HMGXB3: variants seen among roughly 807,000 people sequenced by gnomAD.
The protein encoded by HMGXB3 is HMG-box containing 3.
A neutral mutation model predicts 121.5 loss-of-function variants in HMGXB3; 45 were observed. That is an observed-to-expected ratio of 0.37 (90% CI 0.29 to 0.47). HMGXB3 has a LOEUF of 0.47. Ranked by LOEUF, HMGXB3 falls within the 20% of genes least tolerant of loss-of-function variation. The pLI, the probability that HMGXB3 is intolerant of heterozygous loss-of-function variation, is 0.99. For synonymous variants in HMGXB3, 590 were observed against 624.1 expected (o/e 0.95, Z 0.81); for missense variants, 1,376 against 1,602.2 (o/e 0.86, Z 2.41).
chr5:150,018,431 A>G (rs1328270324), intron 5 of HMGXB3, 135 bp from the exon 6 acceptor site: 1 of 659,770 alleles, frequency 1.5e-6, no homozygotes, highest in Non-Finnish European at 2.3e-6. Flanking sequence ...CCTTTCCAAC[A>G]CTGACCTTTT....
At chr5:150,003,960 C>CA (rs753904866) in intron 1 of HMGXB3, among the ~76,000 whole-genome samples, 2 of 150,498 alleles carry the variant, frequency 1.3e-5, no homozygotes, top group Admixed American at 1.3e-4. Context: ...AAAACAAAAA[C>CA]AAAAAACCCA....
intron 5 of HMGXB3, 68 bp downstream of exon 5, chr5:150,012,421 T>C (rs1755862066): frequency 9.0e-7 from 1 of 1,112,070 alleles, no homozygotes; most frequent in Admixed American, 2.0e-5. Context: ...TAAGTAGATT[T>C]GTCTTTTTTT....
chr5:150,050,027 CA>C (rs1349070982), intron 18 of HMGXB3, among the ~76,000 whole-genome samples: 1 of 152,110 alleles, frequency 6.6e-6, no homozygotes, highest in African/African-American at 2.4e-5. Context: ...AAGTTGAGGA[CA>C]GGATGCTCCC....
Position 150,026,757 on chromosome 5 carries a change from A to C in HMGXB3, c.1512A>C (p.Ala504=), listed in dbSNP as rs1193817221. The C allele has an allele frequency of 6.4e-7, 1 of 1,551,466 alleles. No homozygotes were observed. The highest frequency in any genetic ancestry group is 1.2e-5 in the South Asian group (1 of 84,040). The part of the protein sequence containing the change: ...GSRAPELKGR[A]RGKPSLLAAA... ...GAGCTCCAGAGCTTAAAGGCAGAGCACGGGGCAAGCCCTCATTACTGGCTG... is the reference window on the plus strand; with the variant it reads ...GAGCTCCAGAGCTTAAAGGCAGAGCCCGGGGCAAGCCCTCATTACTGGCTG... Residue 504 remains alanine (A), a synonymous_variant, in exon 8 of 20, where the codon GCA becomes GCC. Coordinates refer to ENST00000502717, the MANE Select transcript of HMGXB3 (RefSeq NM_014983.3).
chr5:150,039,369 A>C (rs140391319), intron 13 of HMGXB3, among the ~76,000 whole-genome samples: 50 of 151,328 alleles, frequency 3.3e-4, no homozygotes, highest in Non-Finnish European at 5.2e-4. Flanking sequence ...TAAGTATTTT[A>C]CTTTTTTTTT....
Position 150,006,511 on chromosome 5 carries a change from A to T in HMGXB3, c.176A>T (p.Lys59Ile). The change falls in exon 3 of 20, where the codon AAA becomes ATA. Residue 59 changes from lysine (K) to isoleucine (I), a missense_variant. By Grantham distance (102) the Lys-to-Ile change is moderately radical. Around this residue, in one of 2 missense-constraint regions of HMGXB3, gnomAD observed 1,116 missense variants for 1,369.0 expected, o/e 0.82. Transcript: ENST00000502717. ...YLLYYYDIYL[K>I]VQQELPHLPQ... The stretch of plus-strand genomic sequence containing the variant: ...CTGTACTATTACGACATCTACCTGA[A>T]AGTGCAGCAGGAGCTCCCCCACCTC... 1 of 1,551,882 alleles carries T rather than the reference A, an allele frequency of 6.4e-7. No individual in the cohort carries two copies. The highest frequency in any genetic ancestry group is 2.4e-5 in the East Asian group (1 of 40,924).
chr5:150,006,764 A>C lies in HMGXB3; in HGVS notation c.312+117A>C, dbSNP rs952211820. The C allele has an allele frequency of 4.6e-6, 4 of 868,620 alleles. 1 individual carries two copies. The highest frequency in any genetic ancestry group is 3.5e-6 in the Non-Finnish European group (2 of 574,740). The allele number at this position is 868,620 out of a possible 1,614,324, so 53.8% of individuals were successfully genotyped here. A position where few individuals can be genotyped will look rare whatever the true frequency, so the allele number is the denominator to read the frequency against. Reference sequence around the variant, plus strand: ...TTTTTGGGAAAAGTTTCATCGTTTTATCCTTCTTGACTCTGGGCTTGCTTG... The same window carrying C: ...TTTTTGGGAAAAGTTTCATCGTTTTCTCCTTCTTGACTCTGGGCTTGCTTG... On this transcript the variant is annotated intron_variant, in intron 3 of 19. Transcript: ENST00000502717.
At chr5:150,014,884 T>A (rs1755925180) in intron 5 of HMGXB3, 2 of 698,180 alleles carry the variant, frequency 2.9e-6, no homozygotes, top group South Asian at 2.0e-5. Flanking sequence ...TCGGAGCTTC[T>A]GGAACCAATG....
chr5:150,030,257 T>G (rs1581258296), intron 9 of HMGXB3: 1 of 152,436 alleles, frequency 6.6e-6, no homozygotes, highest in South Asian at 2.1e-4. Context: ...GAGCATTGCT[T>G]GAGTCCAGCA....
Position 150,024,607 on chromosome 5 carries a change from G to A in HMGXB3, c.1387G>A (p.Gly463Arg). Residue 463 changes from glycine (G) to arginine (R), a missense_variant, in exon 7 of 20, where the codon GGA becomes AGA. Around this residue, in one of 2 missense-constraint regions of HMGXB3, gnomAD observed 1,116 missense variants for 1,369.0 expected, o/e 0.82. Coordinates refer to ENST00000502717, the MANE Select transcript of HMGXB3 (RefSeq NM_014983.3). ...GGGGACAACTGACAATGACAGTCCT[G>A]GAGCAGACGTACCAACACCATCCGA... ...TLGTTDNDSP[G>R]ADVPTPSEGT... 1 of 1,551,770 alleles carries A rather than the reference G, an allele frequency of 6.4e-7. No individual in the cohort carries two copies. The highest frequency in any genetic ancestry group is 8.7e-7 in the Non-Finnish European group (1 of 1,147,000).
rs1277176950 is a variant in HMGXB3 at position 150,050,245 on chromosome 5, C to T, written c.3202-7C>T. The T allele has an allele frequency of 2.6e-6, 4 of 1,551,430 alleles. No individual in the cohort carries two copies. The highest frequency in any genetic ancestry group is 1.7e-4 in the Middle Eastern group (1 of 5,988). On this transcript the variant is annotated splice_polypyrimidine_tract_variant and splice_region_variant and intron_variant, in intron 18 of 19. Transcript: ENST00000502717. ...TAACCCTGCGCCCCCCACCCTTCAT[C>T]TCCCAGGTGGTCTGCGGCTCCAAGT...
rs1179572053 is a variant in HMGXB3, at chr5:150,036,782, C to T, written c.2130C>T (p.Phe710=). ...ATGAGTCAGAGCTGGCTGAGGTCTT[C>T]GCCTTGATTCATGAACTCAACAGCT... ...PENESELAEV[F]ALIHELNSSR... The change falls in exon 12 of 20, where the codon TTC becomes TTT. Residue 710 remains phenylalanine, a synonymous_variant. Transcript: ENST00000502717. 7 of 1,551,612 alleles carry T rather than the reference C, an allele frequency of 4.5e-6. No homozygotes were observed. The highest frequency in any genetic ancestry group is 2.4e-5 in the South Asian group (2 of 84,064).
Position 150,037,423 on chromosome 5 carries a change from G to T in HMGXB3, c.2309G>T (p.Cys770Phe), listed in dbSNP as rs1420217636. ...GQNSLAGPQECWLLTASRLQT... is the reference protein window; with the variant it reads ...GQNSLAGPQEFWLLTASRLQT... The stretch of plus-strand genomic sequence containing the variant: ...AGCTCCCTGGCTGGGCCCCAGGAGT[G>T]CTGGCTGCTGACAGCCAGCCGTCTG... Residue 770 changes from cysteine (C) to phenylalanine (F), a missense_variant, in exon 13 of 20, where the codon TGC (cysteine) becomes TTC (phenylalanine). Coordinates refer to ENST00000502717, the MANE Select transcript of HMGXB3 (RefSeq NM_014983.3). 6.5e-7 allele frequency: 1 copy of T among 1,550,378 alleles called. No homozygotes were observed. Among genetic ancestry groups the T allele is most frequent in the South Asian group, 1.2e-5 (1 of 83,902 alleles).
chr5:150,005,016 TAGCATTTATAAAC>T (rs1755662923), intron 2 of HMGXB3, 27 bp downstream of exon 2: 1 of 1,534,138 alleles, frequency 6.5e-7, no homozygotes. Context: ...TGGTTGCTGC[TAGCATTTATAAAC>T]AGAAGTTGCT....
rs1756545173 is a variant in HMGXB3, at chr5:150,038,280, C to T, written c.2413+753C>T. On this transcript the variant is annotated intron_variant, in intron 13 of 19. Coordinates refer to ENST00000502717, the MANE Select transcript of HMGXB3 (RefSeq NM_014983.3). ...GATGAAAGTGTATTTTTGATGTATT[C>T]TCTTTGTCTTAGAACTTAATGGTGC... Among the ~76,000 whole-genome samples, 3 of 152,240 alleles carry T rather than the reference C, an allele frequency of 2.0e-5. No homozygotes were observed. The Middle Eastern group carries it at 0.01, about 518-fold the overall frequency.
chr5:150,019,992 G>A (rs1261508420), intron 6 of HMGXB3, among the ~76,000 whole-genome samples: 2 of 152,098 alleles, frequency 1.3e-5, no homozygotes, highest in Non-Finnish European at 2.9e-5. Context: ...GCTTCCCAAG[G>A]TTTTTAACTA....
At position 150,052,460 on chromosome 5, in the gene HMGXB3, G is replaced by A. The variant is rs915814284; in HGVS notation, c.*268G>A. 2 of 447,730 alleles carry A rather than the reference G, an allele frequency of 4.5e-6. No homozygotes were observed. Among genetic ancestry groups the A allele is most frequent in the African/African-American group, 3.9e-5 (2 of 51,350 alleles). 27.7% of individuals were successfully genotyped at this position (447,730 alleles called of 1,614,324 possible). The stretch of plus-strand genomic sequence containing the variant: ...GACACGGTATGTTTAATGGAGGGGA[G>A]GCTGAGGGAAAGGCTCGTAGCTGGT... On this transcript the variant is annotated 3_prime_UTR_variant, in exon 20 of 20. Transcript: ENST00000502717.
At position 150,032,596 on chromosome 5, in the gene HMGXB3, A is replaced by G. The variant is rs1172918449; in HGVS notation, c.1976A>G (p.Lys659Arg). 3 of 1,552,246 alleles carry G rather than the reference A, an allele frequency of 1.9e-6. No homozygotes were observed. The highest frequency in any genetic ancestry group is 2.4e-5 in the South Asian group (2 of 84,050). ...AAAGACCGGACTGAGAAAACCACCA[A>G]GGCTATCGTGAGTTCCTTCCCCCAA... ...LAKDRTEKTTKAIEVSSPLPD... is the reference protein window; with the variant it reads ...LAKDRTEKTTRAIEVSSPLPD... The change falls in exon 11 of 20, where the codon AAG (lysine) becomes AGG (arginine). Residue 659 changes from lysine (K) to arginine (R), a missense_variant. By Grantham distance (26) the Lys-to-Arg change is conservative. This residue lies in a region of HMGXB3 where 1,116 missense variants were observed against 1,369.0 expected (regional missense o/e 0.82). Coordinates refer to ENST00000502717, the MANE Select transcript of HMGXB3 (RefSeq NM_014983.3).
Position 150,026,707 on chromosome 5 carries a change from G to T in HMGXB3, c.1462G>T (p.Ala488Ser). 6.5e-7 allele frequency: 1 copy of T among 1,549,472 alleles called. No individual in the cohort carries two copies. The highest frequency in any genetic ancestry group is 2.4e-5 in the East Asian group (1 of 40,882). Residue 488 changes from alanine to serine, a missense_variant and splice_region_variant, in exon 8 of 20, where the codon GCT (alanine) becomes TCT (serine). Physicochemically the swap from Ala to Ser is moderately conservative, Grantham distance 99. Around this residue, in one of 2 missense-constraint regions of HMGXB3, gnomAD observed 1,116 missense variants for 1,369.0 expected, o/e 0.82. Coordinates refer to ENST00000502717, the MANE Select transcript of HMGXB3 (RefSeq NM_014983.3). ...GATTTCTCTTCTTATTCTTTTCAGAGCTGACCTGCTTACCCCTGGGTCCAG... is the reference window on the plus strand; with the variant it reads ...GATTTCTCTTCTTATTCTTTTCAGATCTGACCTGCTTACCCCTGGGTCCAG... ...PLPAPKKPTG[A>S]DLLTPGSRAP...
Sources: allele counts gnomAD v4.1 joint callset (sites outside exome capture counted in the v4.1 genomes callset), GRCh38; gene constraint gnomAD v4.1.1; regional missense constraint gnomAD v4.1.1; transcripts MANE v1.5; gene names NCBI Gene and HGNC (gene_info 2026-07-23, HGNC 2026-07-21).